Variants in VRTN observed in about 807,000 individuals in gnomAD.
VRTN encodes vertebrae development associated.
Under a neutral mutation model 18.2 loss-of-function variants are expected in VRTN, and 5 were observed. The ratio of observed to expected loss-of-function variants is 0.27; its 90% CI spans 0.14 to 0.58. The LOEUF (loss-of-function observed/expected upper bound fraction) is 0.58. Among genes scored for constraint, VRTN ranks in the 20% least tolerant of loss-of-function variants. The pLI is 0.91. For missense variants in VRTN, 741 were observed against 939.4 expected, an observed-to-expected ratio of 0.79 and a Z score of 2.76; for synonymous variants, 381 against 393.7, an observed-to-expected ratio of 0.97 and a Z score of 0.38.
intron 1 of VRTN, among the ~76,000 whole-genome samples, chr14:74,312,202 A>G (rs2085392682): frequency 6.6e-6 from 1 of 152,242 alleles, no homozygotes; most frequent in African/African-American, 2.4e-5. Flanking sequence ...ATTGACAGAC[A>G]TTTTAGTGGG....
chr14:74,334,304 G>A (rs148461339), intron 1 of VRTN, among the ~76,000 whole-genome samples: 138 of 152,258 alleles, frequency 9.1e-4, no homozygotes, highest in African/African-American at 3.3e-3. Context: ...TGAGGCGGGC[G>A]GATTGCTTGA....
chr14:74,306,713 A>G (rs944791596), intron 1 of VRTN, among the ~76,000 whole-genome samples: 2 of 150,558 alleles, frequency 1.3e-5, no homozygotes, highest in Non-Finnish European at 3.0e-5. Context: ...TCCCACCTCA[A>G]TCTCCTGAGT....
intron 1 of VRTN, among the ~76,000 whole-genome samples, chr14:74,312,288 AG>A (rs1377290634): frequency 6.6e-6 from 1 of 152,240 alleles, no homozygotes. Context: ...TAAGTTTAAA[AG>A]AAGATAGGCT....
chr14:74,320,898 TAAAAA>T (rs766559301), intron 1 of VRTN, among the ~76,000 whole-genome samples: 5 of 83,590 alleles, frequency 6.0e-5, no homozygotes, highest in Admixed American at 4.0e-4. Context: ...CCCATCTCTT[TAAAAA>T]AAAAAAAAAA....
intron 1 of VRTN, among the ~76,000 whole-genome samples, chr14:74,325,334 C>G (rs1476432529): frequency 1.3e-5 from 2 of 151,912 alleles, no homozygotes; most frequent in Non-Finnish European, 2.9e-5. Context: ...CCAAAAAAAT[C>G]AAAAGCAAGT....
upstream of VRTN, among the ~76,000 whole-genome samples, chr14:74,345,850 G>A (rs1207026575): frequency 1.3e-5 from 2 of 151,148 alleles, no homozygotes; most frequent in African/African-American, 4.9e-5. Context: ...CTTGAACCTG[G>A]GAGTTGGAGG....
chr14:74,326,170 C>G (rs1242422936), intron 1 of VRTN, among the ~76,000 whole-genome samples: 2 of 152,100 alleles, frequency 1.3e-5, no homozygotes, highest in Non-Finnish European at 2.9e-5. Flanking sequence ...ATTGATATGT[C>G]CAAGCAGCAT....
intron 1 of VRTN, among the ~76,000 whole-genome samples, chr14:74,319,514 C>T (rs2085439099): frequency 6.6e-6 from 1 of 152,178 alleles, no homozygotes; most frequent in South Asian, 2.1e-4. Context: ...AGGCTTTGGA[C>T]TGAGCAACTG....
At chr14:74,328,660 T>C (rs2085502523) in intron 1 of VRTN, among the ~76,000 whole-genome samples, 1 of 152,220 alleles carries the variant, frequency 6.6e-6, no homozygotes, top group Non-Finnish European at 1.5e-5. Flanking sequence ...GGTAATTTTA[T>C]ACTGACAAGG....
chr14:74,306,730 G>A (rs1384514254), intron 1 of VRTN, among the ~76,000 whole-genome samples: 1 of 151,500 alleles, frequency 6.6e-6, no homozygotes, highest in South Asian at 2.1e-4. Context: ...GAGTAGCTGG[G>A]GCTACAGGTA....
At chr14:74,343,801 T>C (rs1314059429), upstream of VRTN, among the ~76,000 whole-genome samples, 1 of 151,970 alleles carries the variant, frequency 6.6e-6, no homozygotes, top group African/African-American at 2.4e-5. Flanking sequence ...TACATCGCAT[T>C]AATTTTTTTT....
chr14:74,315,120 T>A (rs776110325), intron 1 of VRTN, among the ~76,000 whole-genome samples: 7 of 152,190 alleles, frequency 4.6e-5, no homozygotes, highest in Non-Finnish European at 8.8e-5. Context: ...GTCCTTCCAA[T>A]GTCTTTCAGT....
chr14:74,350,181 A>C (rs576829817), intron 1 of VRTN, among the ~76,000 whole-genome samples: 11 of 152,268 alleles, frequency 7.2e-5, no homozygotes, highest in African/African-American at 2.6e-4. Flanking sequence ...TTCCCCGTGC[A>C]GCCCCTACCC....
chr14:74,331,916 G>A (rs2085528670), intron 1 of VRTN, among the ~76,000 whole-genome samples: 1 of 152,024 alleles, frequency 6.6e-6, no homozygotes, highest in Non-Finnish European at 1.5e-5. Context: ...CTTGGGGTGG[G>A]AAATCAACTG....
At chr14:74,347,516 A>G (rs980102528), upstream of VRTN, among the ~76,000 whole-genome samples, 14 of 152,226 alleles carry the variant, frequency 9.2e-5, no homozygotes, top group Non-Finnish European at 1.9e-4. Flanking sequence ...GCATGGGGGC[A>G]TTTTACAGTG....
At position 74,309,532 on chromosome 14, in the gene VRTN, A is replaced by T. The variant is rs539597522; in HGVS notation, c.-164+6356A>T. Among the ~76,000 whole-genome samples, 6 of 152,268 alleles carry T rather than the reference A, an allele frequency of 3.9e-5. No homozygotes were observed. The South Asian group carries it at 1.2e-3, about 32-fold the overall frequency. ...TGTTTGTTGAACAAAGATAAACAAG[A>T]CAATCCCTAACCTCAAAAAACACAC... On this transcript the variant is annotated intron_variant, in intron 1 of 2. Transcript: ENST00000557177.
At chr14:74,334,199 G>A (rs2085548758) in intron 1 of VRTN, among the ~76,000 whole-genome samples, 1 of 152,200 alleles carries the variant, frequency 6.6e-6, no homozygotes, top group Admixed American at 6.5e-5. Flanking sequence ...CCAAAGCCAA[G>A]AAGGAAAGGT....
At chr14:74,328,013 G>A (rs1180796666) in intron 1 of VRTN, among the ~76,000 whole-genome samples, 1 of 152,094 alleles carries the variant, frequency 6.6e-6, no homozygotes, top group Non-Finnish European at 1.5e-5. Flanking sequence ...GAGCCACTGC[G>A]CCTGGCCCTT....
chr14:74,358,993 G>A lies in VRTN; in HGVS notation c.*101G>A. On this transcript the variant is annotated 3_prime_UTR_variant, in exon 2 of 2. Coordinates refer to ENST00000256362, the MANE Select transcript of VRTN (RefSeq NM_018228.3). The surrounding 1 kb of genome is among the most constrained non-coding windows in gnomAD (Gnocchi z 5.4). ...TTGGCCAGGATGTCCTTTGCTCTGG[G>A]TCCCACAGTGTCTACCCTAAGTCCA... The A allele has an allele frequency of 6.8e-7, 1 of 1,468,636 alleles. No homozygotes were observed. The highest frequency in any genetic ancestry group is 9.0e-7 in the Non-Finnish European group (1 of 1,108,202). The allele number at this position is 1,468,636 out of a possible 1,614,324, so 91.0% of individuals were successfully genotyped here.
Sources: gnomAD v4.1 joint callset for allele counts (sites outside exome capture counted in the v4.1 genomes callset) on GRCh38, gnomAD v4.1.1 for gene constraint, Gnocchi (gnomAD v3.1) non-coding constraint, MANE v1.5 for transcripts, NCBI Gene and HGNC (gene_info 2026-07-23, HGNC 2026-07-21) for gene names.